The following RAPGEF1 variants were observed in gnomAD, a reference collection of about 807,000 sequenced individuals.
RAPGEF1 encodes Rap guanine nucleotide exchange factor 1, also known as CRK SH3-binding GNRP.
A neutral mutation model predicts 143.3 loss-of-function variants in RAPGEF1; 33 were observed. The observed-to-expected ratio is 0.23, with a 90% CI of 0.17 to 0.31. The LOEUF is 0.31. Ranked by LOEUF, RAPGEF1 falls within the 10% of genes least tolerant of loss-of-function variation. The probability of loss-of-function intolerance (pLI) is 1.00; values close to 1 mark genes in which losing one functional copy is unlikely to be tolerated. For synonymous variants in RAPGEF1, 629 were observed against 676.5 expected, an observed-to-expected ratio of 0.93 and a Z score of 1.09; for missense variants, 1,199 against 1,645.4, an observed-to-expected ratio of 0.73 and a Z score of 4.69.
rs751085307 is a variant in RAPGEF1, at chr9:131,650,776, G to C, written c.201+34C>G. 1 of 1,609,150 alleles carries C rather than the reference G, an allele frequency of 6.2e-7. No individual in the cohort carries two copies. The highest frequency in any genetic ancestry group is 1.1e-5 in the South Asian group (1 of 90,538). The stretch of plus-strand genomic sequence containing the variant: ...CACAAACTCATATTGCTGGAAGCAG[G>C]TGAGGCCAGGAGAAACATCCAGAGT... On this transcript the variant is annotated intron_variant, in intron 2 of 26. Coordinates refer to ENST00000683357, the MANE Select transcript of RAPGEF1 (RefSeq NM_001377935.1). The surrounding 1 kb of genome is among the most constrained non-coding windows in gnomAD (Gnocchi z 4.7).
chr9:131,597,117 C>T (rs1387794231), intron 16 of RAPGEF1, among the ~76,000 whole-genome samples: 1 of 152,190 alleles, frequency 6.6e-6, no homozygotes, highest in Non-Finnish European at 1.5e-5. Context: ...CCTGTTTCTG[C>T]CCCTGGCCCT....
intron 1 of RAPGEF1, among the ~76,000 whole-genome samples, chr9:131,666,749 G>A (rs567766465): frequency 1.3e-5 from 2 of 152,142 alleles, no homozygotes; most frequent in South Asian, 4.1e-4. Flanking sequence ...ATATAAAAAC[G>A]ATTAATGAGC....
chr9:131,653,874 A>G (rs1399656950), intron 1 of RAPGEF1, among the ~76,000 whole-genome samples: 1 of 152,212 alleles, frequency 6.6e-6, no homozygotes, highest in Non-Finnish European at 1.5e-5. Context: ...AGGTGGGAAA[A>G]ACTCAAATGT....
At chr9:131,637,875 G>A (rs1966789475) in intron 5 of RAPGEF1, among the ~76,000 whole-genome samples, 1 of 152,280 alleles carries the variant, frequency 6.6e-6, no homozygotes, top group South Asian at 2.1e-4. Context: ...ACTACGAAGT[G>A]GTGAACTTGG....
chr9:131,713,647 G>C (rs1172650635), intron 1 of RAPGEF1, among the ~76,000 whole-genome samples: 1 of 152,136 alleles, frequency 6.6e-6, no homozygotes, highest in African/African-American at 2.4e-5. Flanking sequence ...GTAGTTTAAA[G>C]GTTAAATAAG....
chr9:131,614,823 CTT>C (rs1438137808), intron 12 of RAPGEF1, among the ~76,000 whole-genome samples: 1 of 148,396 alleles, frequency 6.7e-6, no homozygotes, highest in Non-Finnish European at 1.5e-5. Context: ...ACTTAACTCT[CTT>C]AGCCTGAAGT....
chr9:131,696,095 C>T (rs371984995), intron 1 of RAPGEF1, among the ~76,000 whole-genome samples: 3 of 152,184 alleles, frequency 2.0e-5, no homozygotes, highest in East Asian at 3.8e-4. Flanking sequence ...CCTGTGACCT[C>T]GCCTCACCAC....
chr9:131,729,681 CT>C (rs1023689857), intron 1 of RAPGEF1, among the ~76,000 whole-genome samples: 2 of 152,338 alleles, frequency 1.3e-5, no homozygotes, highest in South Asian at 2.1e-4. Context: ...CAACCCACCC[CT>C]GGCGAGTCAC....
chr9:131,579,380 C>T lies in RAPGEF1; in HGVS notation c.*117G>A. On this transcript the variant is annotated 3_prime_UTR_variant, in exon 27 of 27. Coordinates refer to ENST00000683357, the MANE Select transcript of RAPGEF1 (RefSeq NM_001377935.1). ...CCCGGCCCCGCTGAGGGCTGGCCAG[C>T]CTCATGGCTCCGAGGCCGGGACTCC... The T allele has an allele frequency of 1.4e-6, 2 of 1,409,474 alleles. No homozygotes were observed. The highest frequency in any genetic ancestry group is 9.6e-7 in the Non-Finnish European group (1 of 1,039,508). The allele number at this position is 1,409,474 out of a possible 1,614,324, so 87.3% of individuals were successfully genotyped here. A position where few individuals can be genotyped will look rare whatever the true frequency, so the allele number is the denominator to read the frequency against.
chr9:131,655,829 C>A lies in RAPGEF1; in HGVS notation c.62-4880G>T, dbSNP rs1396778242. The stretch of plus-strand genomic sequence containing the variant: ...GTCTCGATCTCCTGACCTCGTGATC[C>A]ACCTGCCTTGGCCTCCCAAAGTGCT... On this transcript the variant is annotated intron_variant, in intron 1 of 26. Transcript: ENST00000683357. The surrounding 1 kb of genome is among the most constrained non-coding windows in gnomAD (Gnocchi z 4.1). Among the ~76,000 whole-genome samples the A allele has an allele frequency of 6.6e-6, 1 of 152,120 alleles. No homozygotes were observed. Among genetic ancestry groups the A allele is most frequent in the Middle Eastern group, 3.2e-3 (1 of 316 alleles).
At position 131,605,102 on chromosome 9, in the gene RAPGEF1, A is replaced by AGAG; in HGVS notation, c.2145_2147dup (p.Ser718dup). On this transcript the variant is annotated inframe_insertion, in exon 13 of 27. Transcript: ENST00000683357. ...GGGCAGGTGGGAAATGTGGAGAGGA[A>AGAG]GAGGAGGTAGGCGGAAGGAAAGGCG... 1.5e-6 allele frequency: 2 copies of AGAG among 1,365,084 alleles called. No individual in the cohort carries two copies. Among genetic ancestry groups the AGAG allele is most frequent in the Non-Finnish European group, 2.0e-6 (2 of 1,021,324 alleles). 84.6% of individuals were successfully genotyped at this position (1,365,084 alleles called of 1,614,324 possible). A position where few individuals can be genotyped will look rare whatever the true frequency, so the allele number is the denominator to read the frequency against.
At chr9:131,711,095 G>A (rs1257638453) in intron 1 of RAPGEF1, among the ~76,000 whole-genome samples, 2 of 150,980 alleles carry the variant, frequency 1.3e-5, no homozygotes, top group African/African-American at 4.9e-5. Flanking sequence ...GTGTCACCCA[G>A]GCTGGCGTGC....
chr9:131,735,431 C>G (rs1837352354), intron 1 of RAPGEF1, among the ~76,000 whole-genome samples: 1 of 152,234 alleles, frequency 6.6e-6, no homozygotes, highest in Non-Finnish European at 1.5e-5. Context: ...CAAGTCTGAT[C>G]TCTTGCCACC....
intron 1 of RAPGEF1, among the ~76,000 whole-genome samples, chr9:131,711,901 C>T (rs1564192834): frequency 6.6e-6 from 1 of 152,128 alleles, no homozygotes; most frequent in African/African-American, 2.4e-5. Context: ...CGCAGTGGGC[C>T]ACTGTGTTAA....
At chr9:131,725,957 C>T (rs1836636007) in intron 1 of RAPGEF1, among the ~76,000 whole-genome samples, 1 of 151,956 alleles carries the variant, frequency 6.6e-6, no homozygotes, top group African/African-American at 2.4e-5. Context: ...GACGGGGTTT[C>T]ACCATGTTAG....
At chr9:131,730,512 T>C (rs1836977851) in intron 1 of RAPGEF1, among the ~76,000 whole-genome samples, 1 of 151,368 alleles carries the variant, frequency 6.6e-6, no homozygotes, top group Non-Finnish European at 1.5e-5. Flanking sequence ...CTGGTCAACA[T>C]GGTGAAACCC....
intron 1 of RAPGEF1, among the ~76,000 whole-genome samples, chr9:131,724,850 ACAGATATTGG>A (rs1271945500): frequency 6.6e-6 from 1 of 152,144 alleles, no homozygotes; most frequent in Non-Finnish European, 1.5e-5. Flanking sequence ...CAAGAGACAC[ACAGATATTGG>A]CAAACCCTGT....
intron 1 of RAPGEF1, among the ~76,000 whole-genome samples, chr9:131,660,221 T>A (rs541534803): frequency 3.9e-5 from 6 of 152,318 alleles, no homozygotes; most frequent in African/African-American, 1.2e-4. Context: ...TTTGAAGTTT[T>A]GCAATTCCAA....
chr9:131,683,592 G>T (rs940141945), intron 1 of RAPGEF1, among the ~76,000 whole-genome samples: 1 of 151,816 alleles, frequency 6.6e-6, no homozygotes, highest in Admixed American at 6.6e-5. Flanking sequence ...GACTGTGAAC[G>T]GTTTGCATTT....
Sources: gnomAD v4.1 joint callset for allele counts (sites outside exome capture counted in the v4.1 genomes callset) on GRCh38, gnomAD v4.1.1 for gene constraint, Gnocchi (gnomAD v3.1) non-coding constraint, MANE v1.5 for transcripts, NCBI Gene and HGNC (gene_info 2026-07-23, HGNC 2026-07-21) for gene names.